Variants in WDFY4 observed in about 807,000 individuals in gnomAD.
The protein encoded by WDFY4 is WDFY family member 4.
WDFY4 carries 169 observed loss-of-function variants against 351.9 expected under a neutral mutation model. That is an observed-to-expected ratio of 0.48 (90% CI 0.42 to 0.55). The LOEUF is 0.55. WDFY4 is among the 20% of genes least tolerant of loss of function. The pLI is 0.00. For missense variants in WDFY4, 3,803 were observed against 3,935.6 expected (o/e 0.97, Z 0.90); for synonymous variants, 1,622 against 1,574.6 (o/e 1.03, Z -0.71).
At chr10:48,709,682 C>T (rs2132204721) in intron 1 of WDFY4, 34 bp from the exon 2 acceptor site, 3 of 1,521,906 alleles carry the variant, frequency 2.0e-6, no homozygotes, top group Middle Eastern at 1.7e-4. Context: ...AGTGATGTGA[C>T]AGGAATGTTC....
At chr10:48,886,535 G>A (rs1472250864) in intron 43 of WDFY4, among the ~76,000 whole-genome samples, 1 of 152,130 alleles carries the variant, frequency 6.6e-6, no homozygotes, top group Non-Finnish European at 1.5e-5. Flanking sequence ...GATAAGTTCA[G>A]CCCCATTTCT....
chr10:48,931,947 G>A (rs1352560630), intron 47 of WDFY4, among the ~76,000 whole-genome samples: 1 of 152,232 alleles, frequency 6.6e-6, no homozygotes, highest in East Asian at 1.9e-4. Flanking sequence ...CCACATGTTA[G>A]TCATGCCGGC....
intron 26 of WDFY4, among the ~76,000 whole-genome samples, chr10:48,805,734 G>A (rs914533079): frequency 1.3e-5 from 2 of 152,214 alleles, no homozygotes; most frequent in African/African-American, 4.8e-5. Flanking sequence ...GGCTCCTGCA[G>A]ACTCCTGAAG....
intron 45 of WDFY4, among the ~76,000 whole-genome samples, chr10:48,897,962 C>T (rs113228866): frequency 1.1e-3 from 162 of 152,252 alleles, no homozygotes; most frequent in African/African-American, 3.8e-3. Flanking sequence ...CCTGTCCTGC[C>T]CACAGGGGTA....
At chr10:48,721,968 A>T (rs1481146097) in intron 4 of WDFY4, among the ~76,000 whole-genome samples, 2 of 151,298 alleles carry the variant, frequency 1.3e-5, no homozygotes, top group Non-Finnish European at 3.0e-5. Flanking sequence ...TTCCCTTCCC[A>T]CCCATACCCA....
intron 39 of WDFY4, among the ~76,000 whole-genome samples, chr10:48,853,983 G>C (rs2069045119): frequency 6.6e-6 from 1 of 152,210 alleles, no homozygotes. Flanking sequence ...TTCTGAGCCA[G>C]AGTATAACCA....
rs1402022960 is a variant in WDFY4 at position 48,776,807 on chromosome 10, G to C, written c.2921G>C (p.Gly974Ala). 1 of 1,551,468 alleles carries C rather than the reference G, an allele frequency of 6.4e-7. No homozygotes were observed. Among genetic ancestry groups the C allele is most frequent in the Admixed American group, 2.0e-5 (1 of 51,000 alleles). ...EGPWPAAPDA[G>A]LHPGVTQAPQ... Reference sequence around the variant, plus strand: ...CCCTGGCCAGCTGCCCCAGATGCTGGGCTGCACCCTGGAGTCACACAGGCC... The same window carrying C: ...CCCTGGCCAGCTGCCCCAGATGCTGCGCTGCACCCTGGAGTCACACAGGCC... Residue 974 changes from glycine (G) to alanine (A), a missense_variant, in exon 16 of 62, where the codon GGG becomes GCG. By Grantham distance (60) the Gly-to-Ala change is moderately conservative. Coordinates refer to ENST00000325239, the MANE Select transcript of WDFY4 (RefSeq NM_001394531.1).
chr10:48,822,981 T>A (rs1035742305), intron 35 of WDFY4, among the ~76,000 whole-genome samples: 6 of 152,250 alleles, frequency 3.9e-5, no homozygotes, highest in African/African-American at 1.4e-4. Flanking sequence ...GAGACAGGCA[T>A]CTATTTTAAC....
intron 12 of WDFY4, among the ~76,000 whole-genome samples, chr10:48,752,215 A>C (rs2065206529): frequency 6.6e-6 from 1 of 152,210 alleles, no homozygotes; most frequent in African/African-American, 2.4e-5. Context: ...AATCCATTGT[A>C]AAGTTGCACA....
chr10:48,898,142 C>A (rs533850138), intron 45 of WDFY4, among the ~76,000 whole-genome samples: 25 of 152,310 alleles, frequency 1.6e-4, no homozygotes, highest in Non-Finnish European at 2.8e-4. Flanking sequence ...CTTAGCCAGG[C>A]ATGCAACAGT....
intron 11 of WDFY4, chr10:48,736,311 CT>C: frequency 3.3e-6 from 2 of 610,482 alleles, no homozygotes; most frequent in Non-Finnish European, 5.8e-6. Context: ...CATTAAGGAA[CT>C]ACCATCACCT....
At position 48,943,443 on chromosome 10, in the gene WDFY4, C is replaced by A; in HGVS notation, c.7743C>A (p.Thr2581=). The part of the protein sequence containing the change: ...PVFPWVLADY[T]SETLNLANPK... ...TCCCCTGGGTCCTCGCAGACTACACCTCAGAGGTAAGTTCCTCACGTGGAA... is the reference window on the plus strand; with the variant it reads ...TCCCCTGGGTCCTCGCAGACTACACATCAGAGGTAAGTTCCTCACGTGGAA... Residue 2581 remains threonine, a synonymous_variant, in exon 49 of 62, where the codon ACC becomes ACA. Transcript: ENST00000325239. 2 of 1,551,790 alleles carry A rather than the reference C, an allele frequency of 1.3e-6. No individual in the cohort carries two copies. Among genetic ancestry groups the A allele is most frequent in the Non-Finnish European group, 1.7e-6 (2 of 1,146,952 alleles).
At chr10:48,760,531 C>G (rs894052265) in intron 13 of WDFY4, 91 bp downstream of exon 13, 1 of 1,321,930 alleles carries the variant, frequency 7.6e-7, no homozygotes, top group East Asian at 2.5e-5. Context: ...TTCCTTTTGT[C>G]CGTGTCTTCA....
At chr10:48,800,708 TTC>T (rs1429895411) in intron 24 of WDFY4, among the ~76,000 whole-genome samples, 3 of 139,856 alleles carry the variant, frequency 2.1e-5, no homozygotes, top group Non-Finnish European at 4.5e-5. Context: ...CTTTCTTTCT[TTC>T]TTTCTTTCTT....
intron 10 of WDFY4, among the ~76,000 whole-genome samples, chr10:48,735,028 C>T (rs1215085271): frequency 6.8e-6 from 1 of 147,950 alleles, no homozygotes; most frequent in Non-Finnish European, 1.5e-5. Context: ...TGAGCTCAGG[C>T]GATCTGCCTG....
At chr10:48,930,135 C>T (rs1257423410) in intron 47 of WDFY4, among the ~76,000 whole-genome samples, 1 of 152,186 alleles carries the variant, frequency 6.6e-6, no homozygotes, top group African/African-American at 2.4e-5. Flanking sequence ...AGTCTAAGCG[C>T]TTACAAGGTC....
intron 53 of WDFY4, among the ~76,000 whole-genome samples, chr10:48,962,396 C>A (rs1388237981): frequency 6.6e-6 from 1 of 152,170 alleles, no homozygotes; most frequent in African/African-American, 2.4e-5. Flanking sequence ...AGAGGACCAA[C>A]AAGGGGAGCC....
At chr10:48,955,224 G>T (rs955919994) in intron 51 of WDFY4, among the ~76,000 whole-genome samples, 1 of 152,128 alleles carries the variant, frequency 6.6e-6, no homozygotes, top group Non-Finnish European at 1.5e-5. Context: ...ATTTAAATTT[G>T]ATGGTGGACG....
At chr10:48,694,917 C>G (rs1234738134) in intron 1 of WDFY4, among the ~76,000 whole-genome samples, 1 of 152,308 alleles carries the variant, frequency 6.6e-6, no homozygotes, top group African/African-American at 2.4e-5. Flanking sequence ...ACAGCCACCA[C>G]CACCCTGCCC....
Sources: allele counts gnomAD v4.1 joint callset (sites outside exome capture counted in the v4.1 genomes callset), GRCh38; gene constraint gnomAD v4.1.1; transcripts MANE v1.5; gene names NCBI Gene and HGNC (gene_info 2026-07-23, HGNC 2026-07-21).